Variants in ZNF541 observed in about 807,000 individuals in gnomAD.
The protein encoded by ZNF541 is zinc finger protein 541.
A neutral mutation model predicts 123.5 loss-of-function variants in ZNF541; 23 were observed. The observed-to-expected ratio is 0.19, with a 90% CI of 0.13 to 0.26. ZNF541 has a LOEUF of 0.26. Among genes scored for constraint, ZNF541 ranks in the 10% least tolerant of loss-of-function variants. The pLI, the probability that ZNF541 is intolerant of heterozygous loss-of-function variation, is 1.00. For synonymous variants in ZNF541, 751 were observed against 754.5 expected (o/e 1.00, Z 0.08); for missense variants, 1,612 against 1,789.9 (o/e 0.90, Z 1.79).
At chr19:47,552,848 T>C (rs1485533970) in intron 3 of ZNF541, among the ~76,000 whole-genome samples, 1 of 150,510 alleles carries the variant, frequency 6.6e-6, no homozygotes, top group Non-Finnish European at 1.5e-5. Flanking sequence ...CGGTGGCTTA[T>C]GCCTGTAATC....
chr19:47,534,224 G>A (rs1331726745), intron 9 of ZNF541, among the ~76,000 whole-genome samples: 2 of 152,162 alleles, frequency 1.3e-5, no homozygotes, highest in South Asian at 2.1e-4. Flanking sequence ...AGACAGATCA[G>A]TAGAGACTAT....
chr19:47,568,985 A>T (rs1971374193), intron 2 of ZNF541, among the ~76,000 whole-genome samples: 1 of 152,058 alleles, frequency 6.6e-6, no homozygotes. Context: ...TCCAAATATT[A>T]TTGTAAACTA....
At chr19:47,531,586 G>C in intron 12 of ZNF541, 56 bp downstream of exon 12, 2 of 1,360,756 alleles carry the variant, frequency 1.5e-6, no homozygotes. Flanking sequence ...CACGTCACAT[G>C]CACCTAGAAC....
intron 3 of ZNF541, among the ~76,000 whole-genome samples, chr19:47,550,389 A>G (rs1600039246): frequency 6.6e-6 from 1 of 151,742 alleles, no homozygotes; most frequent in African/African-American, 2.4e-5. Context: ...AGAGAAAGAT[A>G]AGGAGAGAAG....
rs1397473206 is a variant in ZNF541, at chr19:47,531,614, CAGGGA to C, written c.3405+23_3405+27del. 4.7e-6 allele frequency: 7 copies of C among 1,503,296 alleles called. No homozygotes were observed. The African/African-American group carries it at 8.3e-5, about 18-fold the overall frequency. 93.1% of individuals were successfully genotyped at this position (1,503,296 alleles called of 1,614,324 possible). A position where few individuals can be genotyped will look rare whatever the true frequency, so the allele number is the denominator to read the frequency against. ...CCTAGAACCCTGGGCCCCAGGAAAG[CAGGGA>C]GGGTCCCCTTGCTGTTCCTCACCTG... On this transcript the variant is annotated intron_variant, in intron 12 of 16. Transcript: ENST00000391901.
chr19:47,542,078 C>T (rs1970102704), intron 5 of ZNF541, among the ~76,000 whole-genome samples: 2 of 152,164 alleles, frequency 1.3e-5, no homozygotes, highest in African/African-American at 4.8e-5. Flanking sequence ...TGCCGTTTGC[C>T]ACCCCACGGA....
At chr19:47,569,890 G>A (rs746532743) in intron 2 of ZNF541, among the ~76,000 whole-genome samples, 3 of 151,168 alleles carry the variant, frequency 2.0e-5, no homozygotes. Flanking sequence ...GAAAAGAAAG[G>A]AGAAAAGAAA....
At chr19:47,535,904 C>G (rs1169616889) in intron 9 of ZNF541, among the ~76,000 whole-genome samples, 1 of 152,132 alleles carries the variant, frequency 6.6e-6, no homozygotes, top group Non-Finnish European at 1.5e-5. Context: ...AGTGGGAAAT[C>G]AGGGGTCTCA....
chr19:47,548,129 CAAAAAAAAA>C (rs60292081), intron 4 of ZNF541, among the ~76,000 whole-genome samples: 1 of 135,250 alleles, frequency 7.4e-6, no homozygotes. Flanking sequence ...GAAAAAAAAA[CAAAAAAAAA>C]AATAGAAAAG....
chr19:47,572,125 A>AGCAACAATTTTT (rs1029121689), intron 1 of ZNF541, among the ~76,000 whole-genome samples, 83 bp from the exon 2 acceptor site: 1 of 152,238 alleles, frequency 6.6e-6, no homozygotes, highest in African/African-American at 2.4e-5. Flanking sequence ...AATGGAGAAG[A>AGCAACAATTTTT]GCAACAATTT....
At chr19:47,552,674 C>A (rs1257155399) in intron 3 of ZNF541, among the ~76,000 whole-genome samples, 2 of 111,906 alleles carry the variant, frequency 1.8e-5, no homozygotes, top group African/African-American at 6.7e-5. Context: ...ACCCGGGAGG[C>A]GGAGCTTGCA....
At chr19:47,554,494 T>C (rs1418472995) in intron 3 of ZNF541, among the ~76,000 whole-genome samples, 4 of 152,188 alleles carry the variant, frequency 2.6e-5, no homozygotes, top group Non-Finnish European at 5.9e-5. Context: ...TTAAGGTCTA[T>C]GAAGTGTGTT....
At position 47,525,493 on chromosome 19, in the gene ZNF541, C is replaced by G. The variant is rs187638002; in HGVS notation, c.3570+3457G>C. Among the ~76,000 whole-genome samples the G allele has an allele frequency of 5.4e-3, 828 of 152,020 alleles. 5 individuals carry two copies. The highest frequency in any genetic ancestry group is 8.7e-3 in the Non-Finnish European group (590 of 67,944). On this transcript the variant is annotated intron_variant, in intron 14 of 16. Coordinates refer to ENST00000391901, the MANE Select transcript of ZNF541 (RefSeq NM_001277075.3). Reference sequence around the variant, plus strand: ...ACAGTATGGTATTACATTTTTTTGTCTTTTCAACAAAAGGTACAAATGAAT... The same window carrying G: ...ACAGTATGGTATTACATTTTTTTGTGTTTTCAACAAAAGGTACAAATGAAT...
chr19:47,555,867 T>A lies in ZNF541; in HGVS notation c.-11A>T. The stretch of plus-strand genomic sequence containing the variant: ...GCTGTACTGGTCCATGGCTCTCCAC[T>A]GCCAGGTCTTGGCCAAAAGCTACTC... On this transcript the variant is annotated 5_prime_UTR_variant, in exon 3 of 17. Coordinates refer to ENST00000391901, the MANE Select transcript of ZNF541 (RefSeq NM_001277075.3). 6.5e-7 allele frequency: 1 copy of A among 1,538,466 alleles called. No homozygotes were observed. The highest frequency in any genetic ancestry group is 8.8e-7 in the Non-Finnish European group (1 of 1,138,786).
intron 14 of ZNF541, among the ~76,000 whole-genome samples, chr19:47,523,822 C>G (rs768056915): frequency 3.9e-5 from 6 of 152,104 alleles, no homozygotes; most frequent in Non-Finnish European, 8.8e-5. Flanking sequence ...GCGGTAGAGC[C>G]CACAGGACAG....
chr19:47,567,669 A>G (rs1485111312), intron 2 of ZNF541, among the ~76,000 whole-genome samples: 1 of 152,252 alleles, frequency 6.6e-6, no homozygotes, highest in Admixed American at 6.5e-5. Flanking sequence ...AAAATGTGAA[A>G]GAAAAAATCA....
intron 8 of ZNF541, among the ~76,000 whole-genome samples, chr19:47,538,840 G>A (rs993252530): frequency 6.6e-6 from 1 of 152,128 alleles, no homozygotes; most frequent in Non-Finnish European, 1.5e-5. Context: ...CTGTGTCCCC[G>A]AGTCCAGCAG....
intron 12 of ZNF541, among the ~76,000 whole-genome samples, 193 bp from the exon 13 acceptor site, chr19:47,529,845 C>T (rs1329686084): frequency 6.6e-6 from 1 of 152,198 alleles, no homozygotes; most frequent in Non-Finnish European, 1.5e-5. Flanking sequence ...TCACCAGGCA[C>T]ACCACTGAAT....
Position 47,545,129 on chromosome 19 carries a change from C to A in ZNF541, c.1400G>T (p.Gly467Val). The change falls in exon 5 of 17, where the codon GGC (glycine) becomes GTC (valine). Residue 467 changes from glycine (G) to valine (V), a missense_variant. Physicochemically the swap from Gly to Val is moderately radical, Grantham distance 109. Coordinates refer to ENST00000391901, the MANE Select transcript of ZNF541 (RefSeq NM_001277075.3). The surrounding 1 kb of genome is among the most constrained non-coding windows in gnomAD (Gnocchi z 7.5). Reference protein sequence around the residue: ...SEESPPGPGGGLEDALPFPAA... With the variant: ...SEESPPGPGGVLEDALPFPAA... ...AGGGAAGGGCAGAGCATCCTCCAGG[C>A]CACCGCCGGGGCCGGGCGGGGACTC... 1 of 1,482,792 alleles carries A rather than the reference C, an allele frequency of 6.7e-7. No homozygotes were observed. The allele number at this position is 1,482,792 out of a possible 1,614,324, so 91.9% of individuals were successfully genotyped here.
Sources: allele counts gnomAD v4.1 joint callset (sites outside exome capture counted in the v4.1 genomes callset), GRCh38; gene constraint gnomAD v4.1.1; non-coding constraint Gnocchi (gnomAD v3.1); transcripts MANE v1.5; gene names NCBI Gene and HGNC (gene_info 2026-07-23, HGNC 2026-07-21).